ARHGAP15: variants seen among roughly 807,000 people sequenced by gnomAD.
ARHGAP15 encodes Rho GTPase activating protein 15.
In ARHGAP15, 51 loss-of-function variants were observed where a neutral mutation model predicts 63.7. That is an observed-to-expected ratio of 0.80 (90% CI 0.64 to 1.01). The LOEUF (loss-of-function observed/expected upper bound fraction) is 1.01. Ranked by LOEUF, ARHGAP15 falls within the 50% of genes least tolerant of loss-of-function variation. The pLI, the probability that ARHGAP15 is intolerant of heterozygous loss-of-function variation, is 0.00. For missense variants in ARHGAP15, 560 were observed against 564.6 expected (o/e 0.99, Z 0.08); for synonymous variants, 191 against 193.8 (o/e 0.99, Z 0.12).
chr2:143,151,631 A>T (rs58458356), intron 1 of ARHGAP15, among the ~76,000 whole-genome samples: 34,508 of 151,896 alleles, frequency 0.23, 4,161 homozygotes, highest in East Asian at 0.45. Flanking sequence ...TTGACACTGT[A>T]GTTAGATTAA....
At chr2:143,693,748 C>G (rs777660959) in intron 12 of ARHGAP15, among the ~76,000 whole-genome samples, 40 of 152,170 alleles carry the variant, frequency 2.6e-4, no homozygotes, top group Non-Finnish European at 4.6e-4. Flanking sequence ...ATCCAAGCAT[C>G]TTATAAAAGA....
intron 5 of ARHGAP15, among the ~76,000 whole-genome samples, chr2:143,240,359 G>A (rs1024445747): frequency 2.6e-5 from 4 of 152,114 alleles, no homozygotes; most frequent in Non-Finnish European, 4.4e-5. Context: ...GGAAAATGAT[G>A]TGATTTAGCA....
intron 2 of ARHGAP15, among the ~76,000 whole-genome samples, chr2:143,172,922 A>G (rs1308571467): frequency 1.3e-5 from 2 of 152,124 alleles, no homozygotes; most frequent in Non-Finnish European, 2.9e-5. Flanking sequence ...TCCCATTGAG[A>G]CAAAGCGTAG....
chr2:143,238,650 C>A (rs1693747294), intron 5 of ARHGAP15, among the ~76,000 whole-genome samples: 1 of 152,092 alleles, frequency 6.6e-6, no homozygotes, highest in African/African-American at 2.4e-5. Context: ...CCTCAAAGAC[C>A]TAGAGTCAGA....
At position 143,624,136 on chromosome 2, in the gene ARHGAP15, AGAAGCTGAATTTGG is replaced by A; in HGVS notation, c.1008_1021del (p.Lys337ArgfsTer23). 6.2e-7 allele frequency: 1 copy of A among 1,613,360 alleles called. No individual in the cohort carries two copies. The highest frequency in any genetic ancestry group is 8.5e-7 in the Non-Finnish European group (1 of 1,179,530). ...ATTTCTCCTCGTGTTTTCCCAGAAG[AGAAGCTGAATTTGG>A]ACGACAGCCAGTGGGAGGACATCCA... On this transcript the variant is annotated frameshift_variant, in exon 12 of 14. Transcript: ENST00000295095. LOFTEE classifies it high-confidence loss of function.
At chr2:143,624,333 A>T (rs1698757013) in intron 12 of ARHGAP15, 66 bp downstream of exon 12, 14 of 1,484,340 alleles carry the variant, frequency 9.4e-6, no homozygotes, top group Middle Eastern at 2.1e-4. Flanking sequence ...TTAAGTAAAT[A>T]ATAAGAATGA....
At chr2:143,759,942 G>A (rs1235760166) in intron 13 of ARHGAP15, among the ~76,000 whole-genome samples, 2 of 152,114 alleles carry the variant, frequency 1.3e-5, no homozygotes, top group Non-Finnish European at 2.9e-5. Flanking sequence ...TAGGGTCAGT[G>A]GAAGAACCAT....
At chr2:143,767,161 A>C (rs1387354673) in intron 13 of ARHGAP15, among the ~76,000 whole-genome samples, 2 of 152,304 alleles carry the variant, frequency 1.3e-5, no homozygotes, top group Non-Finnish European at 2.9e-5. Flanking sequence ...TCTGAATTTT[A>C]ATATAAAATC....
chr2:143,278,497 C>G (rs1269005648), intron 6 of ARHGAP15, among the ~76,000 whole-genome samples: 1 of 152,120 alleles, frequency 6.6e-6, no homozygotes, highest in Admixed American at 6.6e-5. Context: ...GAGTAGGTAA[C>G]TGAGAATGCC....
Position 143,147,100 on chromosome 2 carries a change from C to T in ARHGAP15, c.-14-8377C>T, listed in dbSNP as rs1463878385. Among the ~76,000 whole-genome samples the T allele has an allele frequency of 6.6e-5, 10 of 152,020 alleles. 1 individual carries two copies. The highest frequency in any genetic ancestry group is 6.6e-4 in the Admixed American group (10 of 15,228). On this transcript the variant is annotated intron_variant, in intron 1 of 13. Coordinates refer to ENST00000295095, the MANE Select transcript of ARHGAP15 (RefSeq NM_018460.4). The stretch of plus-strand genomic sequence containing the variant: ...GGTCAAGCACTTTAAGAAGGAAAGA[C>T]AGTAGAACAAGAAATCCCAGGAAAC...
intron 12 of ARHGAP15, among the ~76,000 whole-genome samples, chr2:143,663,862 C>G (rs968872404): frequency 6.6e-6 from 1 of 152,188 alleles, no homozygotes; most frequent in Admixed American, 6.5e-5. Flanking sequence ...ACAAGAAGAA[C>G]TAACCTAAAT....
At position 143,720,764 on chromosome 2, in the gene ARHGAP15, T is replaced by C. The variant is rs1010507448; in HGVS notation, c.1244+17240T>C. On this transcript the variant is annotated intron_variant, in intron 13 of 13. Coordinates refer to ENST00000295095, the MANE Select transcript of ARHGAP15 (RefSeq NM_018460.4). ...GCTCACAAACCAAATTACCTAGCAA[T>C]CTTGTTAAAAAATGCAGATTCTGGG... Among the ~76,000 whole-genome samples the C allele has an allele frequency of 3.3e-5, 5 of 152,096 alleles. 1 individual carries two copies. In the South Asian group the frequency reaches 6.2e-4, roughly 19 times the overall value.
At chr2:143,641,074 A>G (rs548395893) in intron 12 of ARHGAP15, 4 of 152,280 alleles carry the variant, frequency 2.6e-5, no homozygotes, top group Admixed American at 6.5e-5. Flanking sequence ...GCAGCTGCAA[A>G]GCATCCTGAA....
chr2:143,441,914 G>T (rs1044854877), intron 8 of ARHGAP15, among the ~76,000 whole-genome samples: 1 of 151,930 alleles, frequency 6.6e-6, no homozygotes, highest in Non-Finnish European at 1.5e-5. Flanking sequence ...GTGCAATAAG[G>T]GTATATGTAA....
At chr2:143,434,094 G>C (rs989696132) in intron 6 of ARHGAP15, among the ~76,000 whole-genome samples, 1 of 152,006 alleles carries the variant, frequency 6.6e-6, no homozygotes, top group Non-Finnish European at 1.5e-5. Context: ...AAAATAGGAG[G>C]CTGTTTTGAG....
rs117502131 is a variant in ARHGAP15, at chr2:143,756,831, A to T, written c.1245-11158A>T. The stretch of plus-strand genomic sequence containing the variant: ...GCAGATATATCCTTGGATGTGAATT[A>T]GGTGATTAAAAAATCAAAATATGTC... On this transcript the variant is annotated intron_variant, in intron 13 of 13. Transcript: ENST00000295095. 1.9e-4 allele frequency among the ~76,000 whole-genome samples: 29 copies of T among 152,326 alleles called. No homozygotes were observed. The East Asian group carries it at 4.6e-3, about 24-fold the overall frequency.
At chr2:143,562,931 G>C (rs989558707) in intron 11 of ARHGAP15, among the ~76,000 whole-genome samples, 4 of 152,082 alleles carry the variant, frequency 2.6e-5, no homozygotes, top group African/African-American at 9.7e-5. Context: ...ACAAATCCTG[G>C]CTACTTATTT....
At chr2:143,309,481 G>A (rs566801408) in intron 6 of ARHGAP15, among the ~76,000 whole-genome samples, 3 of 152,136 alleles carry the variant, frequency 2.0e-5, no homozygotes, top group African/African-American at 7.2e-5. Context: ...GTACTATACT[G>A]ATGTCAATGC....
rs547833675 is a variant in ARHGAP15, at chr2:143,268,705, A to C, written c.474+18105A>C. ...GATAAATGTATGAGATGGTTGTTAG[A>C]TCTATGTATGAATATACATTGGACA... On this transcript the variant is annotated intron_variant, in intron 6 of 13. Transcript: ENST00000295095. Among the ~76,000 whole-genome samples the C allele has an allele frequency of 1.1e-4, 16 of 152,260 alleles. 1 individual carries two copies. The South Asian group carries it at 1.9e-3, about 18-fold the overall frequency.
Sources: allele counts gnomAD v4.1 joint callset (sites outside exome capture counted in the v4.1 genomes callset), GRCh38; gene constraint gnomAD v4.1.1; transcripts MANE v1.5; gene names NCBI Gene and HGNC (gene_info 2026-07-23, HGNC 2026-07-21).